The following NLRP2 variants were observed in gnomAD, a reference collection of about 807,000 sequenced individuals.
The protein encoded by NLRP2 is NACHT, LRR and PYD domains-containing protein 2.
NLRP2 carries 107 observed loss-of-function variants against 97.2 expected under a neutral mutation model. The ratio of observed to expected loss-of-function variants is 1.10; its 90% CI spans 0.94 to 1.29. The LOEUF is 1.29. NLRP2 is among the 50% of genes most tolerant of loss of function. The pLI is 0.00. For synonymous variants in NLRP2, 663 were observed against 551.5 expected (o/e 1.20, Z -2.83); for missense variants, 1,495 against 1,330.3 (o/e 1.12, Z -1.93).
rs551461740 is a variant in NLRP2, at chr19:54,998,326, A to T, written c.3050+839A>T. 4.8e-3 allele frequency among the ~76,000 whole-genome samples: 729 copies of T among 152,046 alleles called. 5 individuals are homozygous for T. The highest frequency in any genetic ancestry group is 6.8e-3 in the Non-Finnish European group (465 of 67,972). On this transcript the variant is annotated intron_variant, in intron 12 of 12. Transcript: ENST00000448584. ...AGCCACCGCACCCGGCCTGAGTTGTATTTTGATACCATGGCATCAAAGAAC... is the reference window on the plus strand; with the variant it reads ...AGCCACCGCACCCGGCCTGAGTTGTTTTTTGATACCATGGCATCAAAGAAC...
intron 11 of NLRP2, among the ~76,000 whole-genome samples, chr19:54,997,056 T>C (rs547890908): frequency 3.9e-4 from 60 of 152,258 alleles, no homozygotes; most frequent in Non-Finnish European, 6.3e-4. Flanking sequence ...TACAGGTGCC[T>C]GTCACCACGC....
At position 54,977,974 on chromosome 19, in the gene NLRP2, CCCTT is replaced by C. The variant is rs1391131388; in HGVS notation, c.397+154_397+157del. The stretch of plus-strand genomic sequence containing the variant: ...ACTGTCTCCTGGAGAATGCCAACCT[CCCTT>C]CCGTAAGAATAGAGGGAAGAACGAA... On this transcript the variant is annotated intron_variant, in intron 4 of 12. Transcript: ENST00000448584. 2.6e-5 allele frequency: 20 copies of C among 767,304 alleles called. No homozygotes were observed. The East Asian group carries it at 5.1e-4, about 19-fold the overall frequency. The allele number at this position is 767,304 out of a possible 1,614,324, so 47.5% of individuals were successfully genotyped here.
chr19:54,983,269 A>T lies in NLRP2; in HGVS notation c.1571A>T (p.Asp524Val). 1 of 1,613,778 alleles carries T rather than the reference A, an allele frequency of 6.2e-7. No homozygotes were observed. Among genetic ancestry groups the T allele is most frequent in the Non-Finnish European group, 8.5e-7 (1 of 1,179,758 alleles). Residue 524 changes from aspartate to valine, a missense_variant, in exon 6 of 13, where the codon GAT becomes GTT. Asp to Val is a radical substitution (Grantham distance 152). Coordinates refer to ENST00000448584, the MANE Select transcript of NLRP2 (RefSeq NM_017852.5). ...ACCCTGGAGAAGGAGGAGGAAGAGG[A>T]TAGGGACGGCCACACCTGGGACATT... ...FYTLEKEEEEDRDGHTWDIGD... is the reference protein window; with the variant it reads ...FYTLEKEEEEVRDGHTWDIGD...
intron 12 of NLRP2, 129 bp downstream of exon 12, chr19:54,997,616 C>T: frequency 1.0e-6 from 1 of 962,552 alleles, no homozygotes; most frequent in South Asian, 1.3e-5. Context: ...TCACACCCAG[C>T]CAATTTCTGT....
rs529524814 is a variant in NLRP2 at position 54,975,393 on chromosome 19, G to A, written c.325+849G>A. ...TGCCTCACCCTCCCAAACTGCTGGGGTACAGGTGTGAGCCATGACACCTGG... is the reference window on the plus strand; with the variant it reads ...TGCCTCACCCTCCCAAACTGCTGGGATACAGGTGTGAGCCATGACACCTGG... On this transcript the variant is annotated intron_variant, in intron 3 of 12. Transcript: ENST00000448584. Among the ~76,000 whole-genome samples, 10 of 145,154 alleles carry A rather than the reference G, an allele frequency of 6.9e-5. 1 individual carries two copies. In the South Asian group the frequency reaches 2.1e-3, roughly 30 times the overall value.
intron 2 of NLRP2, among the ~76,000 whole-genome samples, chr19:54,972,037 T>A (rs919303149): frequency 1.4e-5 from 2 of 138,584 alleles, no homozygotes; most frequent in African/African-American, 5.3e-5. Context: ...AGAGATGGGG[T>A]TTCACCATGT....
At chr19:54,998,025 C>CTTTCTT (rs2072935348) in intron 12 of NLRP2, among the ~76,000 whole-genome samples, 1 of 127,296 alleles carries the variant, frequency 7.9e-6, no homozygotes, top group African/African-American at 2.9e-5. Context: ...TTTTTTCTTT[C>CTTTCTT]TTTTTTTTTT....
At chr19:54,967,643 CAA>C (rs58847413) in intron 1 of NLRP2, among the ~76,000 whole-genome samples, 2 of 144,972 alleles carry the variant, frequency 1.4e-5, no homozygotes, top group Admixed American at 6.9e-5. Flanking sequence ...TAGAGAGCTC[CAA>C]AAAAAAAAAT....
intron 4 of NLRP2, 27 bp from the exon 5 acceptor site, chr19:54,981,590 A>T: frequency 8.0e-7 from 1 of 1,250,250 alleles, no homozygotes; most frequent in Non-Finnish European, 1.1e-6. Context: ...ATTTTGTGTC[A>T]ATCTCACATG....
At chr19:54,981,902 C>A (rs2071600857) in intron 5 of NLRP2, among the ~76,000 whole-genome samples, 1 of 152,088 alleles carries the variant, frequency 6.6e-6, no homozygotes, top group Non-Finnish European at 1.5e-5. Context: ...CCTCAGCCTC[C>A]CGAGTAGCTG....
intron 3 of NLRP2, among the ~76,000 whole-genome samples, chr19:54,975,126 T>TTTTTTTTTTTTTG (rs2071132977): frequency 2.7e-5 from 3 of 110,452 alleles, no homozygotes; most frequent in Admixed American, 9.6e-5. Context: ...TTTTTTTTTT[T>TTTTTTTTTTTTTG]TTTTTTTTTT....
At position 55,000,928 on chromosome 19, in the gene NLRP2, G is replaced by C; in HGVS notation, c.*30G>C. 1 of 1,611,910 alleles carries C rather than the reference G, an allele frequency of 6.2e-7. No individual in the cohort carries two copies. The highest frequency in any genetic ancestry group is 8.5e-7 in the Non-Finnish European group (1 of 1,178,648). On this transcript the variant is annotated 3_prime_UTR_variant, in exon 13 of 13. Coordinates refer to ENST00000448584, the MANE Select transcript of NLRP2 (RefSeq NM_017852.5). ...CCCCGAGTCATTCATTCTCCATGAA[G>C]TCATCGATTTTCCAGGTGTTGGTGA...
chr19:54,983,994 G>A (rs1406937543), intron 6 of NLRP2, among the ~76,000 whole-genome samples: 1 of 152,098 alleles, frequency 6.6e-6, no homozygotes, highest in Non-Finnish European at 1.5e-5. Flanking sequence ...GGGACTACAG[G>A]CGCCTGCCAC....
chr19:54,973,411 T>G (rs1291692779), intron 2 of NLRP2, among the ~76,000 whole-genome samples: 1 of 147,422 alleles, frequency 6.8e-6, no homozygotes, highest in Non-Finnish European at 1.5e-5. Flanking sequence ...GTTTCACTCT[T>G]GTCTCCCAGG....
At chr19:54,985,884 G>A (rs2072039607) in intron 7 of NLRP2, among the ~76,000 whole-genome samples, 1 of 151,906 alleles carries the variant, frequency 6.6e-6, no homozygotes, top group South Asian at 2.1e-4. Context: ...TATAATCCCA[G>A]CTACTCCGGA....
intron 8 of NLRP2, 83 bp downstream of exon 8, chr19:54,986,398 A>G: frequency 7.6e-7 from 1 of 1,323,602 alleles, no homozygotes; most frequent in Non-Finnish European, 1.1e-6. Flanking sequence ...GTAAATAAGA[A>G]AAAGTTCGTT....
chr19:54,997,376 G>A lies in NLRP2; in HGVS notation c.2939G>A (p.Cys980Tyr). The change falls in exon 12 of 13, where the codon TGC (cysteine) becomes TAC (tyrosine). Residue 980 changes from cysteine (C) to tyrosine (Y), a missense_variant. Coordinates refer to ENST00000448584, the MANE Select transcript of NLRP2 (RefSeq NM_017852.5). ...GAAGACCTCTGCTCTGCCCTCAGCT[G>A]CAACCAGAGCCTCGTCACTCTGGAC... ...SCEDLCSALS[C>Y]NQSLVTLDLG... 2 of 1,614,134 alleles carry A rather than the reference G, an allele frequency of 1.2e-6. No individual in the cohort carries two copies. The highest frequency in any genetic ancestry group is 1.7e-6 in the Non-Finnish European group (2 of 1,180,004).
chr19:54,998,845 G>T (rs11667208), intron 12 of NLRP2, among the ~76,000 whole-genome samples: 10 of 149,006 alleles, frequency 6.7e-5, no homozygotes, highest in Admixed American at 3.3e-4. Context: ...CTTAACGAGC[G>T]TGCTGCCTTC....
intron 12 of NLRP2, among the ~76,000 whole-genome samples, chr19:54,999,278 G>T (rs1000027472): frequency 6.6e-6 from 1 of 152,212 alleles, no homozygotes; most frequent in Non-Finnish European, 1.5e-5. Flanking sequence ...CTCCCAAGTA[G>T]CTGGGACTAC....
Sources: gnomAD v4.1 joint callset for allele counts (sites outside exome capture counted in the v4.1 genomes callset) on GRCh38, gnomAD v4.1.1 for gene constraint, MANE v1.5 for transcripts, NCBI Gene and HGNC (gene_info 2026-07-23, HGNC 2026-07-21) for gene names.